The following KCND2 variants were observed in gnomAD, a reference collection of about 807,000 sequenced individuals.
The protein encoded by KCND2 is A-type voltage-gated potassium channel KCND2.
In KCND2, 16 loss-of-function variants were observed where a neutral mutation model predicts 54.4. The ratio of observed to expected loss-of-function variants is 0.29; its 90% CI spans 0.20 to 0.45. The LOEUF is 0.45. KCND2 is among the 20% of genes least tolerant of loss of function. The pLI is 1.00. For missense variants in KCND2, 486 were observed against 824.2 expected (o/e 0.59, Z 5.02); for synonymous variants, 317 against 310.7 (o/e 1.02, Z -0.21).
At chr7:120,456,484 C>T (rs1426248217) in intron 1 of KCND2, among the ~76,000 whole-genome samples, 2 of 152,122 alleles carry the variant, frequency 1.3e-5, no homozygotes. Context: ...ATCAATATAG[C>T]AACTAGAGAA....
At chr7:120,440,674 G>A (rs1801934298) in intron 1 of KCND2, among the ~76,000 whole-genome samples, 1 of 151,884 alleles carries the variant, frequency 6.6e-6, no homozygotes, top group South Asian at 2.1e-4. Flanking sequence ...TGTATGGTGA[G>A]AGACAGGTTC....
At chr7:120,454,791 T>C (rs1802170043) in intron 1 of KCND2, among the ~76,000 whole-genome samples, 1 of 152,168 alleles carries the variant, frequency 6.6e-6, no homozygotes, top group Non-Finnish European at 1.5e-5. Flanking sequence ...CCTCATAGTC[T>C]CTGTCCAAAA....
chr7:120,349,327 AACACACACAC>A (rs145626165), intron 1 of KCND2, among the ~76,000 whole-genome samples: 1 of 144,462 alleles, frequency 6.9e-6, no homozygotes, highest in Admixed American at 6.9e-5. Flanking sequence ...CACACACACA[AACACACACAC>A]ACACACACAC....
At chr7:120,362,106 G>C (rs1345064726) in intron 1 of KCND2, among the ~76,000 whole-genome samples, 1 of 152,114 alleles carries the variant, frequency 6.6e-6, no homozygotes, top group African/African-American at 2.4e-5. Context: ...TCTCTCATTT[G>C]ATTGCAAGCC....
At chr7:120,575,444 G>T (rs960833500) in intron 1 of KCND2, among the ~76,000 whole-genome samples, 1 of 152,080 alleles carries the variant, frequency 6.6e-6, no homozygotes, top group Non-Finnish European at 1.5e-5. Flanking sequence ...GCTTTTATCC[G>T]AGCCACACTG....
At chr7:120,309,711 T>C (rs568705450) in intron 1 of KCND2, among the ~76,000 whole-genome samples, 3 of 152,086 alleles carry the variant, frequency 2.0e-5, no homozygotes, top group East Asian at 3.9e-4. Context: ...AGATATCTTA[T>C]GTTATGGACT....
At chr7:120,727,692 C>T (rs1024947851) in intron 1 of KCND2, among the ~76,000 whole-genome samples, 1 of 152,120 alleles carries the variant, frequency 6.6e-6, no homozygotes, top group South Asian at 2.1e-4. Context: ...CATGTTGTAC[C>T]TTTTTAACCG....
chr7:120,729,065 G>T (rs1395747306), intron 1 of KCND2, among the ~76,000 whole-genome samples: 1 of 152,156 alleles, frequency 6.6e-6, no homozygotes, highest in Non-Finnish European at 1.5e-5. Context: ...GATTCCTGAG[G>T]TGTATAATGC....
chr7:120,737,957 T>G (rs911201998), intron 2 of KCND2, among the ~76,000 whole-genome samples: 1 of 152,044 alleles, frequency 6.6e-6, no homozygotes, highest in African/African-American at 2.4e-5. Flanking sequence ...TAGAAATGAC[T>G]GACCATTTAA....
chr7:120,384,239 G>T (rs1466647587), intron 1 of KCND2, among the ~76,000 whole-genome samples: 1 of 151,826 alleles, frequency 6.6e-6, no homozygotes, highest in Non-Finnish European at 1.5e-5. Flanking sequence ...TCCATAGTTG[G>T]TTGAATCCAT....
chr7:120,600,494 A>G (rs1458820249), intron 1 of KCND2, among the ~76,000 whole-genome samples: 1 of 152,060 alleles, frequency 6.6e-6, no homozygotes, highest in African/African-American at 2.4e-5. Flanking sequence ...ATATTTCAGA[A>G]TGCCACATTT....
chr7:120,540,879 A>C (rs1464998615), intron 1 of KCND2, among the ~76,000 whole-genome samples: 10 of 152,194 alleles, frequency 6.6e-5, no homozygotes, highest in Non-Finnish European at 1.3e-4. Context: ...TATATAACTA[A>C]AAAATATTTT....
At chr7:120,658,515 T>TTCAA (rs1791829637) in intron 1 of KCND2, among the ~76,000 whole-genome samples, 1 of 152,202 alleles carries the variant, frequency 6.6e-6, no homozygotes, top group Non-Finnish European at 1.5e-5. Flanking sequence ...CTTGTTTGTT[T>TTCAA]TCAATATTAT....
chr7:120,718,417 G>GA (rs1181533922), intron 1 of KCND2, among the ~76,000 whole-genome samples: 1 of 152,040 alleles, frequency 6.6e-6, no homozygotes, highest in Middle Eastern at 3.4e-3. Context: ...AAATGGTTAG[G>GA]AAAAAAATCA....
intron 1 of KCND2, among the ~76,000 whole-genome samples, chr7:120,436,746 T>A (rs973454481): frequency 6.6e-6 from 1 of 152,186 alleles, no homozygotes; most frequent in African/African-American, 2.4e-5. Flanking sequence ...AGCCTCCTTG[T>A]CCTCATTCCA....
intron 1 of KCND2, among the ~76,000 whole-genome samples, chr7:120,725,096 G>A (rs1792716712): frequency 6.6e-6 from 1 of 152,008 alleles, no homozygotes; most frequent in Non-Finnish European, 1.5e-5. Flanking sequence ...GAAAGAATTT[G>A]GTTTTTTTAA....
chr7:120,368,260 G>A (rs185798640), intron 1 of KCND2, among the ~76,000 whole-genome samples: 2 of 152,010 alleles, frequency 1.3e-5, no homozygotes, highest in East Asian at 3.9e-4. Context: ...TTTCTTCTTA[G>A]TGGTGAAACT....
At chr7:120,558,125 A>G (rs1792186797) in intron 1 of KCND2, among the ~76,000 whole-genome samples, 1 of 152,122 alleles carries the variant, frequency 6.6e-6, no homozygotes. Flanking sequence ...CAAAATTGTC[A>G]TACAAATTTT....
chr7:120,497,766 C>G (rs988185917), intron 1 of KCND2, among the ~76,000 whole-genome samples: 2 of 152,180 alleles, frequency 1.3e-5, no homozygotes, highest in African/African-American at 4.8e-5. Flanking sequence ...ACACACAGGA[C>G]ATTTCTAATT....
Sources: gnomAD v4.1 joint callset for allele counts (sites outside exome capture counted in the v4.1 genomes callset) on GRCh38, gnomAD v4.1.1 for gene constraint, MANE v1.5 for transcripts, NCBI Gene and HGNC (gene_info 2026-07-23, HGNC 2026-07-21) for gene names.